RELN: variants seen among roughly 807,000 people sequenced by gnomAD.
RELN encodes the protein reelin.
In RELN, 108 loss-of-function variants were observed where a neutral mutation model predicts 427.6. The observed-to-expected ratio is 0.25, with a 90% CI of 0.22 to 0.30. The LOEUF (loss-of-function observed/expected upper bound fraction) is 0.30. RELN is among the 10% of genes least tolerant of loss of function. The pLI is 1.00. For synonymous variants in RELN, 1,524 were observed against 1,513.4 expected, an observed-to-expected ratio of 1.01 and a Z score of -0.16; for missense variants, 3,715 against 4,302.8, an observed-to-expected ratio of 0.86 and a Z score of 3.82.
At chr7:103,947,658 A>C (rs1045272856) in intron 1 of RELN, among the ~76,000 whole-genome samples, 2 of 152,200 alleles carry the variant, frequency 1.3e-5, no homozygotes, top group Non-Finnish European at 2.9e-5. Flanking sequence ...AGTTTGTAGT[A>C]CTTTGTTACA....
At chr7:103,475,589 C>T (rs1486516479) in intron 64 of RELN, among the ~76,000 whole-genome samples, 3 of 152,128 alleles carry the variant, frequency 2.0e-5, no homozygotes, top group African/African-American at 7.2e-5. Flanking sequence ...AGTTAGAACA[C>T]TCAAGATATT....
intron 64 of RELN, among the ~76,000 whole-genome samples, chr7:103,475,135 T>C (rs778863275): frequency 7.9e-5 from 12 of 152,216 alleles, no homozygotes; most frequent in Non-Finnish European, 1.5e-4. Context: ...ACCCGCCTCA[T>C]TGGCCAGCTG....
intron 1 of RELN, among the ~76,000 whole-genome samples, chr7:103,964,642 T>C (rs1449090231): frequency 6.6e-6 from 1 of 152,256 alleles, no homozygotes; most frequent in Non-Finnish European, 1.5e-5. Flanking sequence ...CTTCCCCCTT[T>C]TTATGATCCA....
At position 103,620,119 on chromosome 7, in the gene RELN, A is replaced by G. The variant is rs529267434; in HGVS notation, c.2703-8316T>C. On this transcript the variant is annotated intron_variant, in intron 20 of 64. Coordinates refer to ENST00000428762, the MANE Select transcript of RELN (RefSeq NM_005045.4). The surrounding 1 kb of genome is among the most constrained non-coding windows in gnomAD (Gnocchi z 4.1). ...ATAACTGAATGATGGGGATGGGTTC[A>G]CCCATACTGTTCTCATGGTAGTGGG... Among the ~76,000 whole-genome samples the G allele has an allele frequency of 1.3e-5, 2 of 152,240 alleles. No individual in the cohort carries two copies. The highest frequency in any genetic ancestry group is 4.8e-5 in the African/African-American group (2 of 41,546).
intron 2 of RELN, among the ~76,000 whole-genome samples, chr7:103,868,623 T>C (rs1794256458): frequency 1.3e-5 from 2 of 152,076 alleles, no homozygotes; most frequent in African/African-American, 4.8e-5. Context: ...CTTTCCTTTT[T>C]TTGCCCGGTA....
At chr7:103,885,621 G>A (rs1352244815) in intron 2 of RELN, among the ~76,000 whole-genome samples, 1 of 152,134 alleles carries the variant, frequency 6.6e-6, no homozygotes. Context: ...ATACCATTAG[G>A]AGAAATACGT....
intron 2 of RELN, among the ~76,000 whole-genome samples, chr7:103,855,607 C>T (rs1448182220): frequency 6.6e-6 from 1 of 152,134 alleles, no homozygotes; most frequent in Non-Finnish European, 1.5e-5. Flanking sequence ...TCTGTAACAA[C>T]TTATTATAAA....
At chr7:103,555,177 C>T (rs994123973) in intron 38 of RELN, among the ~76,000 whole-genome samples, 2 of 152,078 alleles carry the variant, frequency 1.3e-5, no homozygotes, top group African/African-American at 4.8e-5. Flanking sequence ...CGGCAAAAGC[C>T]AGGCTGCTTT....
chr7:103,557,947 T>G lies in RELN; in HGVS notation c.5614+18A>C. ...AGGGGAGAATTCTCTTGAAGGAAAA[T>G]AATAAATTCATACTTACTTTTTGCT... On this transcript the variant is annotated intron_variant, in intron 37 of 64. Coordinates refer to ENST00000428762, the MANE Select transcript of RELN (RefSeq NM_005045.4). The G allele has an allele frequency of 8.9e-7, 1 of 1,123,850 alleles. No homozygotes were observed. The highest frequency in any genetic ancestry group is 1.4e-6 in the Non-Finnish European group (1 of 734,026). 69.6% of individuals were successfully genotyped at this position (1,123,850 alleles called of 1,614,324 possible).
chr7:103,673,372 G>A (rs1057151352), intron 11 of RELN, among the ~76,000 whole-genome samples: 1 of 152,074 alleles, frequency 6.6e-6, no homozygotes, highest in African/African-American at 2.4e-5. Flanking sequence ...ATTCTAAACA[G>A]GTTAAGAACT....
chr7:103,652,582 G>T lies in RELN; in HGVS notation c.1732C>A (p.Leu578Met), dbSNP rs775014859. ...MSHMIQFSIN[L>M]GCGTHQPGNS... ...CCAGGCTGATGCGTTCCACATCCCAGATTGATGGAAAACTGTATCATGTGA... is the reference window on the plus strand; with the variant it reads ...CCAGGCTGATGCGTTCCACATCCCATATTGATGGAAAACTGTATCATGTGA... The change falls in exon 14 of 65, where the codon CTG (leucine) becomes ATG (methionine). Residue 578 changes from leucine (L) to methionine (M), a missense_variant. By Grantham distance (15) the Leu-to-Met change is conservative (BLOSUM62 2). Coordinates refer to ENST00000428762, the MANE Select transcript of RELN (RefSeq NM_005045.4). 4.3e-6 allele frequency: 7 copies of T among 1,612,668 alleles called. No homozygotes were observed. Among genetic ancestry groups the T allele is most frequent in the Non-Finnish European group, 5.1e-6 (6 of 1,179,230 alleles).
rs1391059359 is a variant in RELN, at chr7:103,989,439, C to G, written c.-83G>C. ...TGGAGACGCCGGGACGGAGGAGCCA[C>G]GCGGAGAGAAGGCGAGAAGAAGGCG... On this transcript the variant is annotated 5_prime_UTR_variant, in exon 1 of 65. Transcript: ENST00000428762. The surrounding 1 kb of genome is among the most constrained non-coding windows in gnomAD (Gnocchi z 4.9). 8.3e-7 allele frequency: 1 copy of G among 1,211,556 alleles called. No individual in the cohort carries two copies. Among genetic ancestry groups the G allele is most frequent in the East Asian group, 3.2e-5 (1 of 31,118 alleles). The allele number at this position is 1,211,556 out of a possible 1,614,324, so 75.1% of individuals were successfully genotyped here. A position where few individuals can be genotyped will look rare whatever the true frequency, so the allele number is the denominator to read the frequency against.
chr7:103,476,670 G>T (rs577163345), intron 64 of RELN: 4 of 293,308 alleles, frequency 1.4e-5, no homozygotes, highest in Admixed American at 1.0e-4. Flanking sequence ...AATGCTGTCT[G>T]CCTCTAAGAC....
chr7:103,636,482 G>A lies in RELN; in HGVS notation c.2070-14C>T. On this transcript the variant is annotated splice_polypyrimidine_tract_variant and intron_variant, in intron 17 of 64. Transcript: ENST00000428762. ...CCAGGGTCACACCTGAAAGAAATAT[G>A]GTGAAATTAAATCTTAAACTGTTGG... 8 of 1,537,616 alleles carry A rather than the reference G, an allele frequency of 5.2e-6. No homozygotes were observed. Among genetic ancestry groups the A allele is most frequent in the Non-Finnish European group, 5.4e-6 (6 of 1,111,984 alleles).
At chr7:103,955,932 G>T (rs747561138) in intron 1 of RELN, among the ~76,000 whole-genome samples, 5 of 152,180 alleles carry the variant, frequency 3.3e-5, no homozygotes, top group Non-Finnish European at 5.9e-5. Context: ...ATCAGATCGG[G>T]ATAGCCTTGT....
chr7:103,561,533 C>T lies in RELN; in HGVS notation c.5528G>A (p.Gly1843Glu), dbSNP rs114313194. Residue 1843 changes from glycine (G) to glutamate (E), a missense_variant and splice_region_variant, in exon 36 of 65, where the codon GGG becomes GAG. Transcript: ENST00000428762. ...IKSGTSLIFK[G>E]EGLRMLISRD... ...AGGAGAATCTTATCTGTATCTGACC[C>T]CTTTAAAAATTAGAGATGTTCCAGA... 5.6e-6 allele frequency: 9 copies of T among 1,610,452 alleles called. No individual in the cohort carries two copies. Among genetic ancestry groups the T allele is most frequent in the South Asian group, 2.2e-5 (2 of 90,972 alleles).
intron 10 of RELN, among the ~76,000 whole-genome samples, chr7:103,686,037 C>T (rs559532075): frequency 6.6e-6 from 1 of 152,104 alleles, no homozygotes; most frequent in Non-Finnish European, 1.5e-5. Flanking sequence ...AGATGAACAC[C>T]GAAGCACCTC....
intron 64 of RELN, among the ~76,000 whole-genome samples, chr7:103,474,343 G>A (rs932188318): frequency 2.0e-5 from 3 of 152,016 alleles, no homozygotes; most frequent in Non-Finnish European, 4.4e-5. Flanking sequence ...AACATCCCCT[G>A]CTAGATTTCA....
intron 11 of RELN, among the ~76,000 whole-genome samples, chr7:103,679,889 T>A (rs1309494444): frequency 6.6e-6 from 1 of 152,170 alleles, no homozygotes; most frequent in African/African-American, 2.4e-5. Context: ...TCAATTCCTT[T>A]CTAAGCTTAC....
Sources: allele counts gnomAD v4.1 joint callset (sites outside exome capture counted in the v4.1 genomes callset), GRCh38; gene constraint gnomAD v4.1.1; non-coding constraint Gnocchi (gnomAD v3.1); transcripts MANE v1.5; gene names NCBI Gene and HGNC (gene_info 2026-07-23, HGNC 2026-07-21).